NKAIN3: variants seen among roughly 807,000 people sequenced by gnomAD.
NKAIN3 encodes sodium/potassium transporting ATPase interacting 3, also known as sodium/potassium-transporting ATPase subunit beta-1-interacting protein 3.
In NKAIN3, 25 loss-of-function variants were observed where a neutral mutation model predicts 30.2. The ratio of observed to expected loss-of-function variants is 0.83; its 90% confidence interval spans 0.60 to 1.16. The LOEUF (loss-of-function observed/expected upper bound fraction) is 1.16, where lower values mean the gene tolerates loss of function less well. Ranked by LOEUF, NKAIN3 falls within the 50% of genes most tolerant of loss-of-function variation. NKAIN3 has a pLI of 0.00. For missense variants in NKAIN3, 225 were observed against 254.1 expected, an observed-to-expected ratio of 0.89 and a Z score of 0.78; for synonymous variants, 91 against 89.6, an observed-to-expected ratio of 1.02 and a Z score of -0.09.
chr8:62,429,176 T>C (rs1421017820), intron 1 of NKAIN3, among the ~76,000 whole-genome samples: 5 of 151,890 alleles, frequency 3.3e-5, no homozygotes, highest in Non-Finnish European at 5.9e-5. Context: ...TCCAGTACTA[T>C]GTTGAATAAA....
intron 4 of NKAIN3, among the ~76,000 whole-genome samples, chr8:62,822,885 T>C (rs1818893394): frequency 6.6e-6 from 1 of 152,206 alleles, no homozygotes; most frequent in African/African-American, 2.4e-5. Context: ...ACTTAGGTTA[T>C]ATGGCATAGC....
chr8:62,907,637 G>T (rs937817950), intron 4 of NKAIN3, among the ~76,000 whole-genome samples: 1 of 152,310 alleles, frequency 6.6e-6, no homozygotes, highest in Non-Finnish European at 1.5e-5. Context: ...GTGGCTAAAA[G>T]GGGCCAATGT....
chr8:62,764,654 A>G (rs1315308415), intron 4 of NKAIN3, among the ~76,000 whole-genome samples: 1 of 152,106 alleles, frequency 6.6e-6, no homozygotes, highest in African/African-American at 2.4e-5. Flanking sequence ...TTGTAGATAC[A>G]AGGTCTCAAT....
At chr8:62,399,723 A>C (rs1444346172) in intron 1 of NKAIN3, among the ~76,000 whole-genome samples, 1 of 152,218 alleles carries the variant, frequency 6.6e-6, no homozygotes, top group Non-Finnish European at 1.5e-5. Context: ...TGCCTGGTGC[A>C]TAGTCAGCTC....
At chr8:62,299,142 C>T (rs1813948888) in intron 1 of NKAIN3, among the ~76,000 whole-genome samples, 1 of 151,896 alleles carries the variant, frequency 6.6e-6, no homozygotes, top group Non-Finnish European at 1.5e-5. Flanking sequence ...AAAGTTAGTA[C>T]AATGGTGTGT....
At chr8:62,825,825 C>T (rs1819004057) in intron 4 of NKAIN3, among the ~76,000 whole-genome samples, 1 of 152,128 alleles carries the variant, frequency 6.6e-6, no homozygotes, top group Admixed American at 6.5e-5. Context: ...CTACAGAGGG[C>T]AGAGTGGTCC....
chr8:62,801,125 G>A (rs867075155), intron 4 of NKAIN3, among the ~76,000 whole-genome samples: 7 of 152,234 alleles, frequency 4.6e-5, no homozygotes, highest in South Asian at 4.1e-4. Flanking sequence ...AGCTCCAACT[G>A]GGTGGAGCCC....
chr8:62,950,029 C>T (rs1300822239), intron 5 of NKAIN3, among the ~76,000 whole-genome samples: 1 of 152,158 alleles, frequency 6.6e-6, no homozygotes, highest in East Asian at 1.9e-4. Flanking sequence ...AGCATCTTCT[C>T]TTCTCTTATC....
chr8:62,949,422 G>C (rs1823217574), intron 5 of NKAIN3, among the ~76,000 whole-genome samples: 1 of 152,170 alleles, frequency 6.6e-6, no homozygotes, highest in Non-Finnish European at 1.5e-5. Context: ...ATCTAAAGTA[G>C]CTCTGTAATT....
chr8:62,713,835 G>C (rs1814805939), intron 3 of NKAIN3, among the ~76,000 whole-genome samples: 1 of 152,026 alleles, frequency 6.6e-6, no homozygotes, highest in Non-Finnish European at 1.5e-5. Flanking sequence ...ATTTCATTAG[G>C]TTTCTGAGGA....
intron 2 of NKAIN3, among the ~76,000 whole-genome samples, chr8:62,582,250 T>C (rs543666640): frequency 1.3e-5 from 2 of 152,108 alleles, no homozygotes; most frequent in East Asian, 1.9e-4. Context: ...TCAAGAGATA[T>C]TTATTGAGCT....
intron 3 of NKAIN3, among the ~76,000 whole-genome samples, chr8:62,609,020 G>T (rs1337545119): frequency 1.3e-5 from 2 of 152,008 alleles, no homozygotes; most frequent in East Asian, 1.9e-4. Context: ...TTTGACTTTT[G>T]TTGCAAACAT....
At chr8:62,746,349 G>C (rs1816070204) in intron 3 of NKAIN3, among the ~76,000 whole-genome samples, 1 of 152,140 alleles carries the variant, frequency 6.6e-6, no homozygotes, top group Admixed American at 6.5e-5. Flanking sequence ...CCCATCTCAT[G>C]ATCCTAATTT....
intron 5 of NKAIN3, among the ~76,000 whole-genome samples, chr8:62,997,487 A>G (rs1328124577): frequency 1.3e-5 from 2 of 152,210 alleles, no homozygotes; most frequent in African/African-American, 2.4e-5. Flanking sequence ...GTGATAAAGA[A>G]AAACAAATTA....
At chr8:62,553,099 A>G (rs1809269210) in intron 1 of NKAIN3, among the ~76,000 whole-genome samples, 1 of 152,162 alleles carries the variant, frequency 6.6e-6, no homozygotes. Flanking sequence ...TGCTATTTTT[A>G]TCACTCTAGT....
chr8:62,799,404 C>CA (rs1817980948), intron 4 of NKAIN3, among the ~76,000 whole-genome samples: 1 of 152,062 alleles, frequency 6.6e-6, no homozygotes, highest in South Asian at 2.1e-4. Context: ...AGATCATTCT[C>CA]AAAAGAAGAT....
chr8:62,703,046 G>A (rs1240253404), intron 3 of NKAIN3, among the ~76,000 whole-genome samples: 65 of 152,086 alleles, frequency 4.3e-4, no homozygotes, highest in Admixed American at 4.1e-3. Context: ...CTGTAGCATC[G>A]TGGGAATGAG....
At chr8:62,905,642 G>T (rs992704221) in intron 4 of NKAIN3, among the ~76,000 whole-genome samples, 10 of 151,924 alleles carry the variant, frequency 6.6e-5, no homozygotes, top group Non-Finnish European at 1.2e-4. Context: ...CCATAATTAA[G>T]ACCACTGATG....
chr8:62,999,630 G>C (rs1239323493), exon 6 of NKAIN3: 1 of 152,098 alleles, frequency 6.6e-6, no homozygotes, highest in Non-Finnish European at 1.5e-5. Context: ...CTGAAGCTTT[G>C]TTTAATGAAA....
Sources: allele counts gnomAD v4.1 joint callset (sites outside exome capture counted in the v4.1 genomes callset), GRCh38; gene constraint gnomAD v4.1.1; transcripts MANE v1.5; gene names NCBI Gene and HGNC (gene_info 2026-07-23, HGNC 2026-07-21).